The following UNC45B variants were observed in gnomAD, a reference collection of about 807,000 sequenced individuals.
The protein encoded by UNC45B is unc-45 myosin chaperone B, also known as protein unc-45 homolog B.
A neutral mutation model predicts 98.7 loss-of-function variants in UNC45B; 78 were observed. That is an observed-to-expected ratio of 0.79 (90% confidence interval 0.66 to 0.95). The LOEUF (loss-of-function observed/expected upper bound fraction) is 0.95, where lower values mean the gene tolerates loss of function less well. Among genes scored for constraint, UNC45B ranks in the 40% least tolerant of loss-of-function variants. The pLI is 0.00. For synonymous variants in UNC45B, 462 were observed against 480.4 expected, an observed-to-expected ratio of 0.96 and a Z score of 0.50; for missense variants, 1,225 against 1,184.9, an observed-to-expected ratio of 1.03 and a Z score of -0.50.
intron 9 of UNC45B, among the ~76,000 whole-genome samples, chr17:35,166,086 TAA>T (rs55844448): frequency 0.096 from 5,563 of 58,114 alleles, 388 homozygotes; most frequent in African/African-American, 0.25. Flanking sequence ...CCCTCATCTC[TAA>T]AAAAAAAAAA....
Position 35,175,084 on chromosome 17 carries a change from A to AAAGAAAGAAAGT in UNC45B, c.1958+719_1958+720insAAGAAAGTAAGA, listed in dbSNP as rs1491209151. Among the ~76,000 whole-genome samples, 144 of 88,850 alleles carry AAAGAAAGAAAGT rather than the reference A, an allele frequency of 1.6e-3. 1 individual carries two copies. The highest frequency in any genetic ancestry group is 6.5e-3 in the African/African-American group (138 of 21,126). The allele number at this position is 88,850 out of a possible 152,430, so 58.3% of individuals were successfully genotyped here. ...AGAAGAAAGAAAGAAAGAAAGAAAG[A>AAAGAAAGAAAGT]AAGAGAAAGAAAGAAAAAAGAAAAG... On this transcript the variant is annotated intron_variant, in intron 14 of 19. Transcript: ENST00000394570.
At chr17:35,177,842 C>T in intron 17 of UNC45B, among the ~76,000 whole-genome samples, 2 of 149,850 alleles carry the variant, frequency 1.3e-5, no homozygotes, top group East Asian at 2.1e-4. Context: ...TTTCTTTTGT[C>T]TTTTCTTTTC....
rs1032296433 is a variant in UNC45B, at chr17:35,187,588, G to C, written c.*1029G>C. 4 of 152,186 alleles carry C rather than the reference G, an allele frequency of 2.6e-5. No homozygotes were observed. The highest frequency in any genetic ancestry group is 9.7e-5 in the African/African-American group (4 of 41,430). The allele number at this position is 152,186 out of a possible 1,614,324, so 9.4% of individuals were successfully genotyped here. A position where few individuals can be genotyped will look rare whatever the true frequency, so the allele number is the denominator to read the frequency against. ...TCAGAGGTGGAATGCTAATTGGCCA[G>C]GCCTGGGTCATATATACAAGTCTAG... On this transcript the variant is annotated 3_prime_UTR_variant, in exon 20 of 20. Transcript: ENST00000394570.
intron 19 of UNC45B, among the ~76,000 whole-genome samples, chr17:35,184,562 G>C (rs2092292470): frequency 6.6e-6 from 1 of 152,196 alleles, no homozygotes; most frequent in African/African-American, 2.4e-5. Flanking sequence ...TGAGTGCCAG[G>C]TGTTGCCCTA....
intron 9 of UNC45B, among the ~76,000 whole-genome samples, chr17:35,166,498 A>G (rs899809372): frequency 2.4e-4 from 37 of 152,054 alleles, no homozygotes; most frequent in Non-Finnish European, 2.2e-4. Flanking sequence ...GGGCTTGTTG[A>G]TTGAGGCTCC....
intron 8 of UNC45B, among the ~76,000 whole-genome samples, chr17:35,160,500 G>A (rs758159315): frequency 3.3e-5 from 5 of 152,070 alleles, no homozygotes; most frequent in East Asian, 1.9e-4. Context: ...GTGCAGTGGC[G>A]TGATCATAGT....
chr17:35,173,624 T>C (rs756313204), intron 13 of UNC45B, among the ~76,000 whole-genome samples: 43 of 152,188 alleles, frequency 2.8e-4, no homozygotes, highest in Admixed American at 3.9e-4. Context: ...TTCCATTCCA[T>C]TGTTACATCT....
Position 35,148,359 on chromosome 17 carries a change from C to A in UNC45B, c.96C>A (p.Ala32=), listed in dbSNP as rs200458405. The change falls in exon 2 of 20, where the codon GCC becomes GCA. Residue 32 remains alanine (A), a synonymous_variant. Transcript: ENST00000394570. Reference sequence around the variant, plus strand: ...CCGCCACAAATAGCTACAGCCAGGCCCTGAAGCTGACCAAGGACAAGGCCC... The same window carrying A: ...CCGCCACAAATAGCTACAGCCAGGCACTGAAGCTGACCAAGGACAAGGCCC... The part of the protein sequence containing the change: ...YKAATNSYSQ[A]LKLTKDKALL... 4.0e-5 allele frequency: 65 copies of A among 1,614,154 alleles called. No homozygotes were observed. The African/African-American group carries it at 7.6e-4, about 19-fold the overall frequency.
At position 35,187,957 on chromosome 17, in the gene UNC45B, G is replaced by A. The variant is rs983956811; in HGVS notation, c.*1398G>A. On this transcript the variant is annotated 3_prime_UTR_variant, in exon 20 of 20. Transcript: ENST00000394570. Reference sequence around the variant, plus strand: ...GTCCTTGATAAAAACAATTTACAACGTTCCGTTGTGTAATAAATGTAAGTG... The same window carrying A: ...GTCCTTGATAAAAACAATTTACAACATTCCGTTGTGTAATAAATGTAAGTG... The A allele has an allele frequency of 2.6e-5, 4 of 152,182 alleles. No homozygotes were observed. The highest frequency in any genetic ancestry group is 9.7e-5 in the African/African-American group (4 of 41,434). The allele number at this position is 152,182 out of a possible 1,614,324, so 9.4% of individuals were successfully genotyped here.
At chr17:35,172,404 C>T (rs1350736876) in intron 13 of UNC45B, among the ~76,000 whole-genome samples, 1 of 152,072 alleles carries the variant, frequency 6.6e-6, no homozygotes, top group East Asian at 1.9e-4. Context: ...CATGCACCAC[C>T]ATGCCCGGCT....
intron 7 of UNC45B, among the ~76,000 whole-genome samples, chr17:35,158,035 C>T (rs2092075848): frequency 6.6e-6 from 1 of 152,152 alleles, no homozygotes; most frequent in Non-Finnish European, 1.5e-5. Flanking sequence ...GCCACCATGC[C>T]TGGCTAATTT....
intron 4 of UNC45B, 65 bp downstream of exon 4, chr17:35,150,288 G>A (rs2092008206): frequency 5.9e-6 from 9 of 1,524,586 alleles, no homozygotes; most frequent in Non-Finnish European, 7.9e-6. Context: ...TAGTAGGAAT[G>A]GGTTAGGGAG....
intron 14 of UNC45B, among the ~76,000 whole-genome samples, chr17:35,175,098 A>AG (rs1408593927): frequency 6.6e-6 from 1 of 151,260 alleles, no homozygotes; most frequent in East Asian, 1.9e-4. Flanking sequence ...AGAAAGAAAG[A>AG]AAAAAGAAAA....
rs2092045406 is a variant in UNC45B at position 35,154,670 on chromosome 17, A to G, written c.568A>G (p.Thr190Ala). Residue 190 changes from threonine (T) to alanine (A), a missense_variant, in exon 6 of 20, where the codon ACT becomes GCT. Physicochemically the swap from Thr to Ala is moderately conservative, Grantham distance 58 (BLOSUM62 0). Coordinates refer to ENST00000394570, the MANE Select transcript of UNC45B (RefSeq NM_001267052.2). Reference protein sequence around the residue: ...GVALLLQLLDTKKPELVLAAV... With the variant: ...GVALLLQLLDAKKPELVLAAV... ...AGCCTTGCTACTGCAGCTTCTGGAC[A>G]CTAAGAAGCCTGAGCTGGTGCTGGC... 2 of 1,612,780 alleles carry G rather than the reference A, an allele frequency of 1.2e-6. No individual in the cohort carries two copies. Among genetic ancestry groups the G allele is most frequent in the South Asian group, 1.1e-5 (1 of 90,880 alleles).
At chr17:35,169,759 C>A in intron 10 of UNC45B, 78 bp from the exon 11 acceptor site, 2 of 1,302,286 alleles carry the variant, frequency 1.5e-6, no homozygotes, top group South Asian at 2.4e-5. Flanking sequence ...GCCATAGAAA[C>A]CTGTTTGAGC....
intron 4 of UNC45B, 92 bp from the exon 5 acceptor site, chr17:35,152,801 G>T: frequency 1.1e-6 from 1 of 949,168 alleles, no homozygotes. Flanking sequence ...GCCCAGAGTA[G>T]ACACCTGATA....
At chr17:35,161,018 C>T (rs2092098809) in intron 8 of UNC45B, among the ~76,000 whole-genome samples, 1 of 152,230 alleles carries the variant, frequency 6.6e-6, no homozygotes, top group Non-Finnish European at 1.5e-5. Flanking sequence ...TGTGCAAGTG[C>T]TTAGACTTTA....
Position 35,156,992 on chromosome 17 carries a change from G to C in UNC45B, c.808+1528G>C, listed in dbSNP as rs9912427. 5.2e-3 allele frequency among the ~76,000 whole-genome samples: 792 copies of C among 151,964 alleles called. 9 individuals are homozygous for C. The highest frequency in any genetic ancestry group is 0.018 in the African/African-American group (749 of 41,434). On this transcript the variant is annotated intron_variant, in intron 7 of 19. Transcript: ENST00000394570. ...TGCACATACAGACTCATGCTTCTCC[G>C]TGCACATCCAGGTCCTAGGCATCAA...
At chr17:35,177,319 AT>A (rs2092241697) in intron 16 of UNC45B, among the ~76,000 whole-genome samples, 175 bp from the exon 17 acceptor site, 1 of 152,188 alleles carries the variant, frequency 6.6e-6, no homozygotes, top group Admixed American at 6.5e-5. Context: ...CCTCTCCAAA[AT>A]TCAGTTATCC....
Sources: gnomAD v4.1 joint callset for allele counts (sites outside exome capture counted in the v4.1 genomes callset) on GRCh38, gnomAD v4.1.1 for gene constraint, MANE v1.5 for transcripts, NCBI Gene and HGNC (gene_info 2026-07-23, HGNC 2026-07-21) for gene names.